Variants in WARS1 observed in about 807,000 individuals in gnomAD.
The protein encoded by WARS1 is tryptophan--tRNA ligase, cytoplasmic.
WARS1 carries 17 observed loss-of-function variants against 47.8 expected under a neutral mutation model. The observed-to-expected ratio is 0.36, with a 90% confidence interval of 0.24 to 0.53. The LOEUF (loss-of-function observed/expected upper bound fraction) is 0.53, where lower values mean the gene tolerates loss of function less well. Among genes scored for constraint, WARS1 ranks in the 20% least tolerant of loss-of-function variants. The pLI, the probability that WARS1 is intolerant of heterozygous loss-of-function variation, is 0.91. For synonymous variants in WARS1, 208 were observed against 228.1 expected (o/e 0.91, Z 0.79); for missense variants, 434 against 608.0 (o/e 0.71, Z 3.01).
At chr14:100,335,626 C>G (rs1300180301) in intron 10 of WARS1, among the ~76,000 whole-genome samples, 4 of 152,136 alleles carry the variant, frequency 2.6e-5, no homozygotes, top group Non-Finnish European at 4.4e-5. Flanking sequence ...TCCACTCCCC[C>G]CACCTGCCTC....
At chr14:100,340,917 C>CTTT (rs71113263) in intron 9 of WARS1, among the ~76,000 whole-genome samples, 2 of 137,258 alleles carry the variant, frequency 1.5e-5, no homozygotes, top group Admixed American at 7.5e-5. Flanking sequence ...TTTTTCTTTT[C>CTTT]TTTTTTTTTT....
chr14:100,366,701 G>C, intron 2 of WARS1: 1 of 793,510 alleles, frequency 1.3e-6, no homozygotes, highest in East Asian at 2.4e-5. Context: ...GAAGACAGAA[G>C]GGACACCATT....
In WARS1 at chr14:100,370,089, G is replaced by A. The variant is rs558521883; in HGVS notation, c.-73-831C>T. ...GCTGCTCTCAGACAAAGTGAGCTCT[G>A]GGGTGGAGGACAGGGCCTTACCTGT... On this transcript the variant is annotated intron_variant, in intron 1 of 10. Coordinates refer to ENST00000392882, the MANE Select transcript of WARS1 (RefSeq NM_004184.4). 7.3e-4 allele frequency among the ~76,000 whole-genome samples: 111 copies of A among 152,240 alleles called. 1 individual carries two copies. In the Middle Eastern group the frequency reaches 0.01, roughly 14 times the overall value.
At chr14:100,351,713 G>A (rs1566849822) in intron 6 of WARS1, among the ~76,000 whole-genome samples, 1 of 152,144 alleles carries the variant, frequency 6.6e-6, no homozygotes, top group Non-Finnish European at 1.5e-5. Context: ...TCTAATAGGT[G>A]CTGGGCGTGG....
intron 4 of WARS1, among the ~76,000 whole-genome samples, chr14:100,355,134 T>C (rs1304899469): frequency 6.6e-6 from 1 of 152,178 alleles, no homozygotes; most frequent in Non-Finnish European, 1.5e-5. Context: ...CCTACCAGGC[T>C]GCTTCCAATC....
chr14:100,348,027 C>T lies in WARS1; in HGVS notation c.726-1181G>A, dbSNP rs919364202. Among the ~76,000 whole-genome samples, 109 of 152,170 alleles carry T rather than the reference C, an allele frequency of 7.2e-4. 1 individual carries two copies. The highest frequency in any genetic ancestry group is 3.1e-4 in the Non-Finnish European group (21 of 68,026). On this transcript the variant is annotated intron_variant, in intron 6 of 10. Transcript: ENST00000392882. ...GTGGCAGGAGCTGTGCTAGATGCTGCGTATGTGTCAATACTCCTAAAATCC... is the reference window on the plus strand; with the variant it reads ...GTGGCAGGAGCTGTGCTAGATGCTGTGTATGTGTCAATACTCCTAAAATCC...
intron 7 of WARS1, among the ~76,000 whole-genome samples, chr14:100,345,146 C>T (rs1428816475): frequency 4.7e-5 from 7 of 148,378 alleles, no homozygotes; most frequent in Non-Finnish European, 6.0e-5. Flanking sequence ...CCCCTCTGCC[C>T]GGCCACCACC....
chr14:100,338,225 C>T (rs1046613177), intron 9 of WARS1, among the ~76,000 whole-genome samples: 11 of 152,076 alleles, frequency 7.2e-5, no homozygotes, highest in African/African-American at 2.4e-4. Context: ...ATAGGTGAAA[C>T]TCCTTCAACA....
intron 9 of WARS1, among the ~76,000 whole-genome samples, chr14:100,338,420 C>T (rs555171341): frequency 3.4e-4 from 51 of 152,170 alleles, no homozygotes; most frequent in Non-Finnish European, 4.4e-4. Context: ...TGTGTGCCAC[C>T]AGCCTGGCTA....
intron 6 of WARS1, among the ~76,000 whole-genome samples, chr14:100,350,196 AG>A (rs1431115043): frequency 2.6e-5 from 4 of 150,982 alleles, no homozygotes; most frequent in African/African-American, 7.3e-5. Flanking sequence ...GTTCGAGACC[AG>A]CCTGGCCAAC....
chr14:100,338,677 G>A (rs1352464704), intron 9 of WARS1, among the ~76,000 whole-genome samples: 1 of 151,646 alleles, frequency 6.6e-6, no homozygotes, highest in African/African-American at 2.4e-5. Flanking sequence ...CAGGTGATTC[G>A]CCTGCCTTGG....
chr14:100,357,891 G>A (rs1483723457), intron 4 of WARS1, among the ~76,000 whole-genome samples: 1 of 152,118 alleles, frequency 6.6e-6, no homozygotes, highest in African/African-American at 2.4e-5. Flanking sequence ...CCTATACACT[G>A]AAAATTACAA....
intron 6 of WARS1, 37 bp downstream of exon 6, chr14:100,353,647 CTCT>C (rs1200611880): frequency 6.8e-6 from 11 of 1,606,002 alleles, no homozygotes; most frequent in Middle Eastern, 3.3e-4. Flanking sequence ...TGACATCCTC[CTCT>C]ACCTATTGAA....
chr14:100,339,570 G>C (rs545379128), intron 9 of WARS1, among the ~76,000 whole-genome samples: 1 of 113,558 alleles, frequency 8.8e-6, no homozygotes, highest in Non-Finnish European at 1.6e-5. Flanking sequence ...CAGCCTGGGC[G>C]ACAGAGTGAG....
rs60977618 is a variant in WARS1, at chr14:100,371,447, C to CAAAAAAAAAAAAAAAAAAAAAAAAAA, written c.-73-2190_-73-2189insTTTTTTTTTTTTTTTTTTTTTTTTTT. On this transcript the variant is annotated intron_variant, in intron 1 of 10. Coordinates refer to ENST00000392882, the MANE Select transcript of WARS1 (RefSeq NM_004184.4). ...CCTGGGTGACAGAAAGGTTCTGTCTCAAAAAAAAAAAAAAAAAAAAGTAGG... is the reference window on the plus strand; with the variant it reads ...CCTGGGTGACAGAAAGGTTCTGTCTCAAAAAAAAAAAAAAAAAAAAAAAAAAAAAAAAAAAAAAAAAAAAAAGTAGG... Among the ~76,000 whole-genome samples, 242 of 89,062 alleles carry CAAAAAAAAAAAAAAAAAAAAAAAAAA rather than the reference C, an allele frequency of 2.7e-3. 25 individuals are homozygous for CAAAAAAAAAAAAAAAAAAAAAAAAAA. Among genetic ancestry groups the CAAAAAAAAAAAAAAAAAAAAAAAAAA allele is most frequent in the Non-Finnish European group, 5.2e-3 (179 of 34,684 alleles). 58.4% of individuals were successfully genotyped at this position (89,062 alleles called of 152,430 possible). A position where few individuals can be genotyped will look rare whatever the true frequency, so the allele number is the denominator to read the frequency against.
chr14:100,351,718 G>A (rs1221003491), intron 6 of WARS1, among the ~76,000 whole-genome samples: 1 of 152,126 alleles, frequency 6.6e-6, no homozygotes, highest in East Asian at 1.9e-4. Context: ...TAGGTGCTGG[G>A]CGTGGTGGCT....
intron 10 of WARS1, among the ~76,000 whole-genome samples, chr14:100,335,679 C>T (rs916926044): frequency 6.6e-6 from 1 of 152,158 alleles, no homozygotes; most frequent in African/African-American, 2.4e-5. Context: ...GCCACTGCGC[C>T]CAGCCAAATC....
chr14:100,357,712 C>T (rs8008560), intron 4 of WARS1, among the ~76,000 whole-genome samples: 104,056 of 152,016 alleles, frequency 0.68, 36,811 homozygotes, highest in Admixed American at 0.81. Context: ...CCACCCGCCT[C>T]GGCCTCCCAA....
At chr14:100,361,356 G>A (rs1053720530) in intron 3 of WARS1, among the ~76,000 whole-genome samples, 2 of 152,206 alleles carry the variant, frequency 1.3e-5, no homozygotes, top group Admixed American at 1.3e-4. Flanking sequence ...AGTATCACTG[G>A]AGGTGAAACC....
Sources: allele counts gnomAD v4.1 joint callset (sites outside exome capture counted in the v4.1 genomes callset), GRCh38; gene constraint gnomAD v4.1.1; transcripts MANE v1.5; gene names NCBI Gene and HGNC (gene_info 2026-07-23, HGNC 2026-07-21).